ACTR3C: variants seen among roughly 807,000 people sequenced by gnomAD.
The protein encoded by ACTR3C is actin related protein 3C, also known as actin-related protein 3C.
Under a neutral mutation model 26.3 loss-of-function variants are expected in ACTR3C, and 18 were observed. The observed-to-expected ratio is 0.68, with a 90% CI of 0.47 to 1.01. ACTR3C has a LOEUF of 1.01. ACTR3C is among the 50% of genes least tolerant of loss of function. The pLI, the probability that ACTR3C is intolerant of heterozygous loss-of-function variation, is 0.00. For missense variants in ACTR3C, 184 were observed against 250.7 expected (o/e 0.73, Z 1.80); for synonymous variants, 55 against 94.5 (o/e 0.58, Z 2.42).
Position 150,274,752 on chromosome 7 carries a change from C to T in ACTR3C, c.564+10001G>A, listed in dbSNP as rs1426935004. 2.0e-5 allele frequency among the ~76,000 whole-genome samples: 3 copies of T among 152,196 alleles called. No homozygotes were observed. The highest frequency in any genetic ancestry group is 7.2e-5 in the African/African-American group (3 of 41,446). ...CTGACGCCTATACTCTTAACCACGA[C>T]AAACTAAAAATAATACTGCTCAAAA... On this transcript the variant is annotated intron_variant, in intron 6 of 7. Transcript: ENST00000683684. The surrounding 1 kb of genome is among the most constrained non-coding windows in gnomAD (Gnocchi z 4.1).
At chr7:150,142,622 G>T in the ACTR3C span, among the ~76,000 whole-genome samples, 3 of 152,008 alleles carry the variant, frequency 2.0e-5, no homozygotes, top group East Asian at 3.9e-4. Context: ...TCCGCCTCCC[G>T]GGTTCAAGCG....
At chr7:150,125,484 G>A in the ACTR3C span, among the ~76,000 whole-genome samples, 25 of 148,790 alleles carry the variant, frequency 1.7e-4, no homozygotes, top group African/African-American at 5.0e-4. Flanking sequence ...GGTGGGTGGG[G>A]GGTCCTGTTT....
At chr7:150,321,612 C>A (rs1209512815) in intron 1 of ACTR3C, among the ~76,000 whole-genome samples, 1 of 152,088 alleles carries the variant, frequency 6.6e-6, no homozygotes, top group Non-Finnish European at 1.5e-5. Context: ...TGGTGGTTCA[C>A]GCCTGTAGTC....
the ACTR3C span, among the ~76,000 whole-genome samples, chr7:150,201,709 G>T: frequency 6.6e-6 from 1 of 150,582 alleles, no homozygotes; most frequent in Non-Finnish European, 1.5e-5. Context: ...AGTGAGCCGA[G>T]ATTGTACCAC....
the ACTR3C span, among the ~76,000 whole-genome samples, chr7:149,888,047 AG>A: frequency 6.6e-6 from 1 of 152,162 alleles, no homozygotes; most frequent in Non-Finnish European, 1.5e-5. Context: ...GTGTGAAAAC[AG>A]ACTAATACAG....
At chr7:150,236,307 G>T in the ACTR3C span, among the ~76,000 whole-genome samples, 1 of 152,156 alleles carries the variant, frequency 6.6e-6, no homozygotes, top group Non-Finnish European at 1.5e-5. Context: ...GTTAGTATTA[G>T]CATTCATCAA....
intron 1 of ACTR3C, among the ~76,000 whole-genome samples, chr7:150,316,427 C>G (rs79912579): frequency 6.7e-6 from 1 of 150,058 alleles, no homozygotes; most frequent in Non-Finnish European, 1.5e-5. Context: ...TATTCTTTAT[C>G]TGAATTTTTC....
the ACTR3C span, among the ~76,000 whole-genome samples, chr7:150,068,815 A>G: frequency 6.6e-6 from 1 of 151,888 alleles, no homozygotes; most frequent in African/African-American, 2.4e-5. Flanking sequence ...AAAAAAAGGA[A>G]AAAAGAATGA....
chr7:150,059,740 G>T, the ACTR3C span, among the ~76,000 whole-genome samples: 1 of 152,246 alleles, frequency 6.6e-6, no homozygotes, highest in Admixed American at 6.5e-5. Context: ...ACTCCCAAGA[G>T]GCTGACTTTG....
At chr7:150,088,490 G>T in the ACTR3C span, among the ~76,000 whole-genome samples, 221 of 152,294 alleles carry the variant, frequency 1.5e-3, 1 homozygote, top group Middle Eastern at 6.8e-3. Flanking sequence ...AATAAACAAA[G>T]AAATTGAATA....
At chr7:150,141,547 G>T in the ACTR3C span, among the ~76,000 whole-genome samples, 1 of 151,628 alleles carries the variant, frequency 6.6e-6, no homozygotes, top group African/African-American at 2.4e-5. Context: ...AAAAAGTCCT[G>T]ACTTATTGTT....
At chr7:150,068,994 A>G in the ACTR3C span, among the ~76,000 whole-genome samples, 1 of 152,124 alleles carries the variant, frequency 6.6e-6, no homozygotes, top group African/African-American at 2.4e-5. Context: ...ATGACTCTTG[A>G]GAAGGGAATC....
At chr7:150,034,216 G>A in the ACTR3C span, among the ~76,000 whole-genome samples, 3 of 151,868 alleles carry the variant, frequency 2.0e-5, no homozygotes, top group Non-Finnish European at 2.9e-5. Flanking sequence ...CAGGGCAGTT[G>A]CTGCCAAGGC....
the ACTR3C span, among the ~76,000 whole-genome samples, chr7:150,153,169 CT>C: frequency 6.6e-6 from 1 of 152,160 alleles, no homozygotes; most frequent in Non-Finnish European, 1.5e-5. Context: ...TGGGCGAGGA[CT>C]TCATGTGTAA....
At chr7:149,941,661 A>G in the ACTR3C span, among the ~76,000 whole-genome samples, 1 of 152,202 alleles carries the variant, frequency 6.6e-6, no homozygotes, top group Non-Finnish European at 1.5e-5. Context: ...AGGTGGGGAC[A>G]AGGTTCTAAA....
chr7:150,064,549 G>A, the ACTR3C span, among the ~76,000 whole-genome samples: 1 of 132,518 alleles, frequency 7.5e-6, no homozygotes. Context: ...CTGGGTAACA[G>A]AGTGAGACTT....
chr7:149,967,685 T>G, the ACTR3C span, among the ~76,000 whole-genome samples: 117 of 151,506 alleles, frequency 7.7e-4, no homozygotes, highest in African/African-American at 2.8e-3. Flanking sequence ...TAGATAAGCC[T>G]CTTGTTAATG....
chr7:150,215,347 C>T, the ACTR3C span, among the ~76,000 whole-genome samples: 6 of 152,082 alleles, frequency 3.9e-5, no homozygotes, highest in Admixed American at 1.3e-4. Flanking sequence ...TGGTAGAATA[C>T]GATGTTCCTC....
chr7:149,996,053 G>T, the ACTR3C span, among the ~76,000 whole-genome samples: 1 of 151,994 alleles, frequency 6.6e-6, no homozygotes, highest in Non-Finnish European at 1.5e-5. Flanking sequence ...TGGATGCGTG[G>T]GTTAACTGCT....
Sources: gnomAD v4.1 joint callset for allele counts (sites outside exome capture counted in the v4.1 genomes callset) on GRCh38, gnomAD v4.1.1 for gene constraint, Gnocchi (gnomAD v3.1) non-coding constraint, MANE v1.5 for transcripts, NCBI Gene and HGNC (gene_info 2026-07-23, HGNC 2026-07-21) for gene names.